Variants in PRPF38B observed in about 807,000 individuals in gnomAD.
PRPF38B encodes pre-mRNA-splicing factor 38B.
In PRPF38B, 18 loss-of-function variants were observed where a neutral mutation model predicts 67.2. The ratio of observed to expected loss-of-function variants is 0.27; its 90% CI spans 0.19 to 0.40. The LOEUF (loss-of-function observed/expected upper bound fraction) is 0.40, where lower values mean the gene tolerates loss of function less well. PRPF38B is among the 10% of genes least tolerant of loss of function. The pLI, the probability that PRPF38B is intolerant of heterozygous loss-of-function variation, is 1.00. For synonymous variants in PRPF38B, 246 were observed against 234.2 expected, an observed-to-expected ratio of 1.05 and a Z score of -0.46; for missense variants, 544 against 684.9, an observed-to-expected ratio of 0.79 and a Z score of 2.30.
In PRPF38B at chr1:108,702,878, T is replaced by A. The variant is rs1660651928; in HGVS notation, c.*2858T>A. Reference sequence around the variant, plus strand: ...CACCTTTCCATGTATTAAAATCTTTTGCCTGTTTTTAATGTTCAATTTGCA... The same window carrying A: ...CACCTTTCCATGTATTAAAATCTTTAGCCTGTTTTTAATGTTCAATTTGCA... On this transcript the variant is annotated 3_prime_UTR_variant, in exon 6 of 6. Transcript: ENST00000370025. Among the ~76,000 whole-genome samples the A allele has an allele frequency of 6.6e-6, 1 of 152,224 alleles. No individual in the cohort carries two copies. The highest frequency in any genetic ancestry group is 2.1e-4 in the South Asian group (1 of 4,834).
At position 108,701,604 on chromosome 1, in the gene PRPF38B, A is replaced by C. The variant is rs1200550963; in HGVS notation, c.*1584A>C. On this transcript the variant is annotated 3_prime_UTR_variant, in exon 6 of 6. Coordinates refer to ENST00000370025, the MANE Select transcript of PRPF38B (RefSeq NM_018061.4). ...TAGGGCTAAAACTCAGTATTCTGAC[A>C]GTGTAGTGAACCTGGCACGCACATT... The C allele has an allele frequency of 6.6e-6, 1 of 152,260 alleles. No homozygotes were observed. Among genetic ancestry groups the C allele is most frequent in the Non-Finnish European group, 1.5e-5 (1 of 68,044 alleles). 9.4% of individuals were successfully genotyped at this position (152,260 alleles called of 1,614,324 possible). A position where few individuals can be genotyped will look rare whatever the true frequency, so the allele number is the denominator to read the frequency against.
Position 108,699,675 on chromosome 1 carries a change from A to G in PRPF38B, c.1296A>G (p.Glu432=). The change falls in exon 6 of 6, where the codon GAA becomes GAG. Residue 432 remains glutamate, a synonymous_variant. Coordinates refer to ENST00000370025, the MANE Select transcript of PRPF38B (RefSeq NM_018061.4). ...EKKHSRSRSR[E]RKHRSRSRSR... is the part of the protein sequence containing the mutation. ...AACACAGTAGAAGCAGAAGCAGAGA[A>G]AGGAAACACAGAAGTAGGAGTCGAA... 1 of 1,591,222 alleles carries G rather than the reference A, an allele frequency of 6.3e-7. No homozygotes were observed. The highest frequency in any genetic ancestry group is 8.6e-7 in the Non-Finnish European group (1 of 1,168,576).
In PRPF38B at chr1:108,700,003, A is replaced by G. The variant is rs1247342571; in HGVS notation, c.1624A>G (p.Lys542Glu). The change falls in exon 6 of 6, where the codon AAA becomes GAA. Residue 542 changes from lysine to glutamate, a missense_variant. Lys to Glu is a moderately conservative substitution (Grantham distance 56, BLOSUM62 1). This residue lies in a region of PRPF38B where 387 missense variants were observed against 386.1 expected (regional missense o/e 1.00). Coordinates refer to ENST00000370025, the MANE Select transcript of PRPF38B (RefSeq NM_018061.4). ...GAGCCAAGAAAAACAGCATAAAAACAAAGATGAGACTGTGTGAAAATATTT... is the reference window on the plus strand; with the variant it reads ...GAGCCAAGAAAAACAGCATAAAAACGAAGATGAGACTGTGTGAAAATATTT... The part of the protein sequence containing the change: ...QESQEKQHKN[K>E]DETV 1.3e-6 allele frequency: 2 copies of G among 1,590,408 alleles called. No individual in the cohort carries two copies. Among genetic ancestry groups the G allele is most frequent in the African/African-American group, 2.7e-5 (2 of 72,980 alleles).
rs1042043187 is a variant in PRPF38B, at chr1:108,692,468, C to T, written c.-124C>T. On this transcript the variant is annotated 5_prime_UTR_variant, in exon 1 of 6. Coordinates refer to ENST00000370025, the MANE Select transcript of PRPF38B (RefSeq NM_018061.4). ...CCTCTCTTGCCCAGCTGGGGCACAG[C>T]GAGGCGGCCCCTTCTCCCGACGACG... is the stretch of plus-strand genomic sequence containing the variant. 6.2e-5 allele frequency: 72 copies of T among 1,168,768 alleles called. No homozygotes were observed. The highest frequency in any genetic ancestry group is 2.3e-4 in the African/African-American group (15 of 64,368). The allele number at this position is 1,168,768 out of a possible 1,614,324, so 72.4% of individuals were successfully genotyped here.
chr1:108,701,835 C>T lies in PRPF38B; in HGVS notation c.*1815C>T, dbSNP rs969234267. 1 of 151,964 alleles carries T rather than the reference C, an allele frequency of 6.6e-6. No homozygotes were observed. The highest frequency in any genetic ancestry group is 2.4e-5 in the African/African-American group (1 of 41,356). 9.4% of individuals were successfully genotyped at this position (151,964 alleles called of 1,614,324 possible). The stretch of plus-strand genomic sequence containing the variant: ...GCTTTTTTCTTTTTTAAGAAAATTC[C>T]TTTGTCTTTTAAATTGAGCATCAAG... On this transcript the variant is annotated 3_prime_UTR_variant, in exon 6 of 6. Transcript: ENST00000370025.
rs750555207 is a variant in PRPF38B, at chr1:108,699,365, G to A, written c.986G>A (p.Arg329His). 43 of 1,614,054 alleles carry A rather than the reference G, an allele frequency of 2.7e-5. No homozygotes were observed. The highest frequency in any genetic ancestry group is 5.0e-5 in the Admixed American group (3 of 60,006). ...ATTGACCGGGGGTTAGAACGCAGGC[G>A]CAGCAGAAGTAGGGAAAGGCATAGA... ...RSIDRGLERR[R>H]SRSRERHRSR... is the part of the protein sequence containing the mutation. Residue 329 changes from arginine (R) to histidine (H), a missense_variant, in exon 6 of 6, where the codon CGC becomes CAC. Physicochemically the swap from Arg to His is conservative, Grantham distance 29. Around this residue, in one of 5 missense-constraint regions of PRPF38B, gnomAD observed 387 missense variants for 386.1 expected, o/e 1.00. Coordinates refer to ENST00000370025, the MANE Select transcript of PRPF38B (RefSeq NM_018061.4).
intron 1 of PRPF38B, 76 bp downstream of exon 1, chr1:108,692,943 C>A: frequency 6.6e-7 from 1 of 1,514,886 alleles, no homozygotes; most frequent in Non-Finnish European, 8.8e-7. Context: ...GAAGGCGGCC[C>A]CCGAAATCTG....
chr1:108,694,734 G>A (rs1356897162), intron 1 of PRPF38B, among the ~76,000 whole-genome samples: 1 of 151,852 alleles, frequency 6.6e-6, no homozygotes, highest in Admixed American at 6.6e-5. Flanking sequence ...GAAATATGCA[G>A]TGAAAAAACA....
chr1:108,693,757 G>A (rs950940813), intron 1 of PRPF38B: 1 of 464,636 alleles, frequency 2.2e-6, no homozygotes, highest in Non-Finnish European at 2.8e-6. Flanking sequence ...TCACCAATTA[G>A]GTAGGCTTTT....
intron 5 of PRPF38B, 140 bp from the exon 6 acceptor site, chr1:108,699,022 A>T: frequency 6.8e-7 from 1 of 1,469,886 alleles, no homozygotes; most frequent in Non-Finnish European, 9.0e-7. Context: ...TGAGAACAAT[A>T]AAATTTTTTG....
chr1:108,696,843 C>A, intron 4 of PRPF38B: 1 of 680,636 alleles, frequency 1.5e-6, no homozygotes, highest in Non-Finnish European at 2.7e-6. Context: ...GTTTGGATGA[C>A]TTGTTCAAGG....
Position 108,699,543 on chromosome 1 carries a change from G to T in PRPF38B, c.1164G>T (p.Arg388Ser). The T allele has an allele frequency of 1.9e-6, 3 of 1,555,872 alleles. No homozygotes were observed. Among genetic ancestry groups the T allele is most frequent in the Non-Finnish European group, 2.6e-6 (3 of 1,149,400 alleles). ...REKERERSRE[R>S]SKEQRSRGEV... ...AAGAGAGAGAGCGATCAAGAGAAAG[G>T]TCCAAGGAACAGAGAAGTAGGGGAG... Residue 388 changes from arginine to serine, a missense_variant, in exon 6 of 6, where the codon AGG becomes AGT. Physicochemically the swap from Arg to Ser is moderately radical, Grantham distance 110. Transcript: ENST00000370025.
At position 108,701,493 on chromosome 1, in the gene PRPF38B, A is replaced by T. The variant is rs1040075948; in HGVS notation, c.*1473A>T. On this transcript the variant is annotated 3_prime_UTR_variant, in exon 6 of 6. Transcript: ENST00000370025. ...CTTGGACAATATGTTAGCATTTTTT[A>T]AAATTTGGACTTGAAATTCTTTAAG... 10 of 152,210 alleles carry T rather than the reference A, an allele frequency of 6.6e-5. No homozygotes were observed. Among genetic ancestry groups the T allele is most frequent in the Admixed American group, 4.6e-4 (7 of 15,288 alleles). The allele number at this position is 152,210 out of a possible 1,614,324, so 9.4% of individuals were successfully genotyped here. A position where few individuals can be genotyped will look rare whatever the true frequency, so the allele number is the denominator to read the frequency against.
intron 4 of PRPF38B, chr1:108,698,095 A>C (rs995676749): frequency 6.6e-6 from 1 of 152,282 alleles, no homozygotes; most frequent in Non-Finnish European, 1.5e-5. Flanking sequence ...TATTTTCTAC[A>C]TAACTAAATT....
In PRPF38B at chr1:108,695,685, C is replaced by T. The variant is rs1237302990; in HGVS notation, c.277-17C>T. ...CAAAGTATGAATGTTTGTTGTGTTC[C>T]TCTTTTCTATTTTCAGGTCACGCAC... On this transcript the variant is annotated splice_polypyrimidine_tract_variant and intron_variant, in intron 1 of 5. Coordinates refer to ENST00000370025, the MANE Select transcript of PRPF38B (RefSeq NM_018061.4). 1 of 1,612,920 alleles carries T rather than the reference C, an allele frequency of 6.2e-7. No individual in the cohort carries two copies. The highest frequency in any genetic ancestry group is 1.1e-5 in the South Asian group (1 of 90,960).
rs79537364 is a variant in PRPF38B at position 108,693,278 on chromosome 1, C to T, written c.276+411C>T. On this transcript the variant is annotated intron_variant, in intron 1 of 5. Coordinates refer to ENST00000370025, the MANE Select transcript of PRPF38B (RefSeq NM_018061.4). Reference sequence around the variant, plus strand: ...CACCCCTGGCCAGGGCGTGTAATGACTTCAGTATTGGCCTCGTGTTGTTGG... The same window carrying T: ...CACCCCTGGCCAGGGCGTGTAATGATTTCAGTATTGGCCTCGTGTTGTTGG... Among the ~76,000 whole-genome samples the T allele has an allele frequency of 1.1e-4, 17 of 152,136 alleles. No individual in the cohort carries two copies. In the East Asian group the frequency reaches 2.7e-3, roughly 24 times the overall value.
At chr1:108,695,302 A>G (rs982682060) in intron 1 of PRPF38B, among the ~76,000 whole-genome samples, 1 of 151,566 alleles carries the variant, frequency 6.6e-6, no homozygotes, top group African/African-American at 2.5e-5. Flanking sequence ...GGAGACTTAA[A>G]TCCATTTTTA....
chr1:108,694,186 T>C (rs1186357074), intron 1 of PRPF38B, among the ~76,000 whole-genome samples: 1 of 152,244 alleles, frequency 6.6e-6, no homozygotes, highest in Admixed American at 6.5e-5. Context: ...ATTAGTTTTT[T>C]TAGCTTTTAA....
At position 108,699,226 on chromosome 1, in the gene PRPF38B, C is replaced by T. The variant is rs1232370373; in HGVS notation, c.847C>T (p.Arg283Trp). ...AAGGTCAAGAAGTAGAAGTCATCAT[C>T]GGGAGGGCCATGGGTCTTCTAGTTT... ...PRRSRSRSHH[R>W]EGHGSSSFDR... Residue 283 changes from arginine to tryptophan, a missense_variant, in exon 6 of 6, where the codon CGG (arginine) becomes TGG (tryptophan). By Grantham distance (101) the Arg-to-Trp change is moderately radical. This residue lies in a region of PRPF38B where 387 missense variants were observed against 386.1 expected (regional missense o/e 1.00). Transcript: ENST00000370025. 6 of 1,613,418 alleles carry T rather than the reference C, an allele frequency of 3.7e-6. No individual in the cohort carries two copies. The highest frequency in any genetic ancestry group is 1.1e-5 in the South Asian group (1 of 90,974).
Sources: allele counts gnomAD v4.1 joint callset (sites outside exome capture counted in the v4.1 genomes callset), GRCh38; gene constraint gnomAD v4.1.1; regional missense constraint gnomAD v4.1.1; transcripts MANE v1.5; gene names NCBI Gene and HGNC (gene_info 2026-07-23, HGNC 2026-07-21).